Variants in IL3RA observed in about 807,000 individuals in gnomAD.
IL3RA encodes interleukin 3 receptor subunit alpha, also known as interleukin-3 receptor subunit alpha.
In IL3RA, 73 loss-of-function variants were observed where a neutral mutation model predicts 52.3. The ratio of observed to expected loss-of-function variants is 1.40; its 90% CI spans 1.16 to 1.70. The LOEUF (loss-of-function observed/expected upper bound fraction) is 1.70. IL3RA is among the 40% of genes most tolerant of loss of function. IL3RA has a pLI of 0.00. For missense variants in IL3RA, 664 were observed against 504.4 expected (o/e 1.32, Z -3.03); for synonymous variants, 260 against 194.0 (o/e 1.34, Z -2.83).
intron 11 of IL3RA, 43 bp from the exon 12 acceptor site, chrX:1,382,348 C>G (rs1270493348): frequency 6.9e-7 from 1 of 1,450,790 alleles, no homozygotes; most frequent in Non-Finnish European, 9.3e-7. Flanking sequence ...GCTCTGTTAT[C>G]TGGGGGGTGG....
At chrX:1,380,514 AGGGAAGAGG>A (rs2089113460) in intron 10 of IL3RA, among the ~76,000 whole-genome samples, 1 of 7,478 alleles carries the variant, frequency 1.3e-4, no homozygotes, top group Non-Finnish European at 2.6e-4. Flanking sequence ...AGGAGGGGGA[AGGGAAGAGG>A]GGGAGGAGGG....
At chrX:1,348,225 C>T (rs1252852531) in intron 3 of IL3RA, among the ~76,000 whole-genome samples, 5 of 150,200 alleles carry the variant, frequency 3.3e-5, no homozygotes, top group Admixed American at 1.3e-4. Context: ...TGGTGGCGGG[C>T]ACCTGTAATC....
chrX:1,358,680 C>T (rs1255545993), intron 7 of IL3RA, among the ~76,000 whole-genome samples, 181 bp from the exon 8 acceptor site: 4 of 151,910 alleles, frequency 2.6e-5, no homozygotes, highest in Admixed American at 2.6e-4. Flanking sequence ...AACAAACAAA[C>T]CTTTTGGTCA....
chrX:1,343,851 A>AGT (rs2085602676), intron 2 of IL3RA, among the ~76,000 whole-genome samples: 2 of 143,610 alleles, frequency 1.4e-5, no homozygotes, highest in Non-Finnish European at 3.0e-5. Flanking sequence ...GCTGGAGTGC[A>AGT]GTGGCACGAT....
chrX:1,360,147 G>C (rs1439393250), intron 8 of IL3RA, among the ~76,000 whole-genome samples: 1 of 95,734 alleles, frequency 1.0e-5, no homozygotes, highest in African/African-American at 4.3e-5. Context: ...CTGTCTCTGT[G>C]TCTCTCTCCC....
chrX:1,348,480 T>G lies in IL3RA; in HGVS notation c.233T>G (p.Val78Gly), dbSNP rs2085877732. ...TTTGGAGCAATTTCCTTATGTGAAG[T>G]GACCAACTACACCGTCCGAGTGGCC... ...CQFGAISLCE[V>G]TNYTVRVANP... The change falls in exon 4 of 12, where the codon GTG (valine) becomes GGG (glycine). Residue 78 changes from valine (V) to glycine (G), a missense_variant. Transcript: ENST00000331035. The G allele has an allele frequency of 6.2e-7, 1 of 1,613,924 alleles. No homozygotes were observed.
intron 9 of IL3RA, among the ~76,000 whole-genome samples, chrX:1,367,713 G>C (rs868468152): frequency 3.9e-4 from 47 of 120,004 alleles, no homozygotes; most frequent in Non-Finnish European, 6.2e-4. Flanking sequence ...GGTGCGCGGG[G>C]TGAGCGGGGT....
chrX:1,380,920 C>A, intron 10 of IL3RA, 103 bp from the exon 11 acceptor site: 1 of 980,920 alleles, frequency 1.0e-6, no homozygotes, highest in Non-Finnish European at 1.6e-6. Context: ...TGACTTGAGT[C>A]TTTTGCTCTG....
Position 1,351,007 on chromosome X carries a change from G to A in IL3RA, c.299-1093G>A, listed in dbSNP as rs1240476183. Among the ~76,000 whole-genome samples, 3 of 152,050 alleles carry A rather than the reference G, an allele frequency of 2.0e-5. No homozygotes were observed. The South Asian group carries it at 6.2e-4, about 32-fold the overall frequency. ...GGATCACTTGAGGTCAGGAATTCGC[G>A]ACCAGTCTGGGCAACATGGTGAAAC... is the stretch of plus-strand genomic sequence containing the variant. On this transcript the variant is annotated intron_variant, in intron 4 of 11. Transcript: ENST00000331035.
intron 8 of IL3RA, among the ~76,000 whole-genome samples, chrX:1,359,348 GC>G (rs1384777250): frequency 6.6e-6 from 1 of 152,044 alleles, no homozygotes; most frequent in Non-Finnish European, 1.5e-5. Flanking sequence ...CCCTCCCCCA[GC>G]CCCTGCCTGG....
At chrX:1,360,021 C>T (rs1198962024) in intron 8 of IL3RA, among the ~76,000 whole-genome samples, 1 of 124,898 alleles carries the variant, frequency 8.0e-6, no homozygotes, top group Non-Finnish European at 1.8e-5. Flanking sequence ...CTCTATCTTC[C>T]CTTCTCCCCA....
chrX:1,378,089 G>A (rs1380334572), intron 9 of IL3RA, among the ~76,000 whole-genome samples: 4 of 150,822 alleles, frequency 2.7e-5, no homozygotes, highest in Non-Finnish European at 5.9e-5. Flanking sequence ...GGGAGGCAGG[G>A]GCAGGAGAAT....
At chrX:1,370,507 G>C (rs1310273483) in intron 9 of IL3RA, among the ~76,000 whole-genome samples, 2 of 13,396 alleles carry the variant, frequency 1.5e-4, no homozygotes, top group Non-Finnish European at 2.5e-4. Flanking sequence ...GCCTGAGATG[G>C]AGTAAGACAT....
chrX:1,346,687 A>G, intron 3 of IL3RA, among the ~76,000 whole-genome samples: 1 of 150,894 alleles, frequency 6.6e-6, no homozygotes, highest in East Asian at 1.9e-4. Context: ...AAATCCTTCC[A>G]AATCCCCCAT....
chrX:1,359,649 CCT>C (rs1346051928), intron 8 of IL3RA, among the ~76,000 whole-genome samples: 10 of 148,028 alleles, frequency 6.8e-5, no homozygotes, highest in African/African-American at 1.8e-4. Context: ...TCTTTCTCTC[CCT>C]GTCTCTATCT....
chrX:1,347,064 T>C (rs2085771486), intron 3 of IL3RA, among the ~76,000 whole-genome samples: 1 of 151,022 alleles, frequency 6.6e-6, no homozygotes, highest in Non-Finnish European at 1.5e-5. Flanking sequence ...TAAGGAAATT[T>C]TGAAAAAGAA....
rs1306673174 is a variant in IL3RA at position 1,348,002 on chromosome X, A to T, written c.184-429A>T. Among the ~76,000 whole-genome samples, 141 of 138,008 alleles carry T rather than the reference A, an allele frequency of 1.0e-3. 1 individual carries two copies. The highest frequency in any genetic ancestry group is 1.8e-3 in the Non-Finnish European group (118 of 65,574). 90.5% of individuals were successfully genotyped at this position (138,008 alleles called of 152,430 possible). A position where few individuals can be genotyped will look rare whatever the true frequency, so the allele number is the denominator to read the frequency against. Reference sequence around the variant, plus strand: ...CAGTGAGCCGAGATCGCGCCCCTGCACTCCAGCCTGGGCGACAGAGCGAGA... The same window carrying T: ...CAGTGAGCCGAGATCGCGCCCCTGCTCTCCAGCCTGGGCGACAGAGCGAGA... On this transcript the variant is annotated intron_variant, in intron 3 of 11. Coordinates refer to ENST00000331035, the MANE Select transcript of IL3RA (RefSeq NM_002183.4).
At chrX:1,346,041 G>A (rs1267551589) in intron 3 of IL3RA, among the ~76,000 whole-genome samples, 2 of 151,952 alleles carry the variant, frequency 1.3e-5, no homozygotes, top group Non-Finnish European at 2.9e-5. Flanking sequence ...CACGCTGGGC[G>A]TGGTGGCTCA....
rs772768333 is a variant in IL3RA at position 1,345,229 on chromosome X, C to T, written c.65-87C>T. The T allele has an allele frequency of 2.2e-4, 160 of 729,016 alleles. 1 individual carries two copies. The South Asian group carries it at 2.4e-3, about 11-fold the overall frequency. The allele number at this position is 729,016 out of a possible 1,614,324, so 45.2% of individuals were successfully genotyped here. A position where few individuals can be genotyped will look rare whatever the true frequency, so the allele number is the denominator to read the frequency against. On this transcript the variant is annotated intron_variant, in intron 2 of 11. Transcript: ENST00000331035. ...CTCCCAAAGGTATTGGCTAACTCCA[C>T]GGGCAAAAAAAAAAAACCATACCCC...
Sources: gnomAD v4.1 joint callset for allele counts (sites outside exome capture counted in the v4.1 genomes callset) on GRCh38, gnomAD v4.1.1 for gene constraint, MANE v1.5 for transcripts, NCBI Gene and HGNC (gene_info 2026-07-23, HGNC 2026-07-21) for gene names.